Variants in EDC3 observed in about 807,000 individuals in gnomAD.
The protein encoded by EDC3 is enhancer of mRNA decapping 3, also known as enhancer of mRNA-decapping protein 3.
EDC3 carries 20 observed loss-of-function variants against 41.8 expected under a neutral mutation model. That is an observed-to-expected ratio of 0.48 (90% CI 0.34 to 0.70). The LOEUF is 0.70. EDC3 is among the 30% of genes least tolerant of loss of function. The probability of loss-of-function intolerance (pLI) is 0.01; values close to 1 mark genes in which losing one functional copy is unlikely to be tolerated. For missense variants in EDC3, 444 were observed against 636.8 expected, an observed-to-expected ratio of 0.70 and a Z score of 3.26; for synonymous variants, 206 against 243.2, an observed-to-expected ratio of 0.85 and a Z score of 1.42.
intron 1 of EDC3, among the ~76,000 whole-genome samples, chr15:74,693,461 T>C (rs1596339173): frequency 6.6e-6 from 1 of 152,084 alleles, no homozygotes; most frequent in Non-Finnish European, 1.5e-5. Context: ...AAATGACTCT[T>C]TCTTTACTTC....
intron 1 of EDC3, among the ~76,000 whole-genome samples, chr15:74,678,258 G>T (rs1324288737): frequency 6.6e-6 from 1 of 152,162 alleles, no homozygotes; most frequent in African/African-American, 2.4e-5. Flanking sequence ...AAGTGTCAGT[G>T]TAGGTTCATC....
At chr15:74,634,009 T>C (rs992119542) in intron 6 of EDC3, among the ~76,000 whole-genome samples, 1 of 152,190 alleles carries the variant, frequency 6.6e-6, no homozygotes, top group Admixed American at 6.5e-5. Flanking sequence ...GGCTTTGCCC[T>C]TGACTCACTA....
intron 3 of EDC3, among the ~76,000 whole-genome samples, chr15:74,660,769 G>T (rs375418980): frequency 6.6e-6 from 1 of 151,934 alleles, no homozygotes; most frequent in African/African-American, 2.4e-5. Context: ...AAGAAGATAC[G>T]GAATATTCTA....
intron 1 of EDC3, among the ~76,000 whole-genome samples, chr15:74,682,785 G>T (rs1282656707): frequency 6.6e-6 from 1 of 152,184 alleles, no homozygotes; most frequent in Non-Finnish European, 1.5e-5. Flanking sequence ...CACTTTGGGA[G>T]GCTGAGGCAG....
Position 74,635,635 on chromosome 15 carries a change from G to A in EDC3, c.975-9C>T, listed in dbSNP as rs1404337923. 13 of 1,610,908 alleles carry A rather than the reference G, an allele frequency of 8.1e-6. No homozygotes were observed. Among genetic ancestry groups the A allele is most frequent in the Non-Finnish European group, 9.3e-6 (11 of 1,177,516 alleles). On this transcript the variant is annotated splice_polypyrimidine_tract_variant and intron_variant, in intron 5 of 6. Transcript: ENST00000315127. Reference sequence around the variant, plus strand: ...CATTTTTGGGATTCAACCTGGAAAAGAAGGTGAAGAAGCAGTATCAGCTAC... The same window carrying A: ...CATTTTTGGGATTCAACCTGGAAAAAAAGGTGAAGAAGCAGTATCAGCTAC...
intron 3 of EDC3, among the ~76,000 whole-genome samples, chr15:74,664,726 A>G (rs1171333891): frequency 3.3e-5 from 5 of 152,250 alleles, no homozygotes; most frequent in Non-Finnish European, 5.9e-5. Flanking sequence ...AGATATATGA[A>G]GCACATCCAA....
At chr15:74,670,980 T>C (rs191276741) in intron 3 of EDC3, among the ~76,000 whole-genome samples, 26 of 152,176 alleles carry the variant, frequency 1.7e-4, no homozygotes, top group Non-Finnish European at 2.8e-4. Flanking sequence ...ACAGCCCAAG[T>C]GCAGGTTCAA....
At chr15:74,656,442 A>ACACACAC (rs1567165095) in intron 3 of EDC3, among the ~76,000 whole-genome samples, 3 of 96,388 alleles carry the variant, frequency 3.1e-5, no homozygotes, top group African/African-American at 1.1e-4. Flanking sequence ...CACACACACA[A>ACACACAC]ACAACAACAA....
intron 5 of EDC3, chr15:74,636,005 C>G (rs1008395160): frequency 4.5e-6 from 1 of 222,232 alleles, no homozygotes. Context: ...TCCTCTCCTG[C>G]ACTTGTAAGG....
At chr15:74,653,125 C>T (rs1442837584) in intron 4 of EDC3, among the ~76,000 whole-genome samples, 1 of 150,322 alleles carries the variant, frequency 6.7e-6, no homozygotes, top group African/African-American at 2.5e-5. Context: ...GGTTGCGGTG[C>T]GCTGAGAGCT....
At chr15:74,691,420 G>A (rs1238479153) in intron 1 of EDC3, among the ~76,000 whole-genome samples, 1 of 152,194 alleles carries the variant, frequency 6.6e-6, no homozygotes, top group Non-Finnish European at 1.5e-5. Context: ...TAGTTCAAAT[G>A]TCTCCTTTTG....
At chr15:74,640,997 G>A (rs2062345004) in intron 4 of EDC3, 1 of 247,818 alleles carries the variant, frequency 4.0e-6, no homozygotes, top group Admixed American at 5.5e-5. Flanking sequence ...TGGGGGAAAT[G>A]CCATCTTGGG....
chr15:74,689,685 C>T (rs1383477922), intron 1 of EDC3, among the ~76,000 whole-genome samples: 1 of 152,158 alleles, frequency 6.6e-6, no homozygotes, highest in Non-Finnish European at 1.5e-5. Context: ...CCACCGCGCC[C>T]GGCTAATTTT....
intron 3 of EDC3, among the ~76,000 whole-genome samples, chr15:74,670,466 G>A (rs529273799): frequency 6.6e-5 from 10 of 152,118 alleles, no homozygotes; most frequent in African/African-American, 2.2e-4. Flanking sequence ...ACAGAGTCTC[G>A]CTCTATCGCC....
intron 3 of EDC3, among the ~76,000 whole-genome samples, chr15:74,665,092 C>T (rs905964268): frequency 3.3e-5 from 5 of 152,210 alleles, no homozygotes; most frequent in African/African-American, 1.2e-4. Context: ...GGCACGATCT[C>T]GGCTCACTGC....
chr15:74,677,940 A>C (rs772472674), intron 1 of EDC3, among the ~76,000 whole-genome samples: 4 of 152,242 alleles, frequency 2.6e-5, no homozygotes, highest in Non-Finnish European at 5.9e-5. Context: ...TCAAGCCATG[A>C]AAAGACATGG....
At chr15:74,674,912 C>G in intron 2 of EDC3, 49 bp downstream of exon 2, 2 of 1,607,300 alleles carry the variant, frequency 1.2e-6, no homozygotes, top group Non-Finnish European at 1.7e-6. Flanking sequence ...TAGGTTCAAG[C>G]TCCACAGACC....
intron 3 of EDC3, among the ~76,000 whole-genome samples, chr15:74,662,432 TATA>T (rs1326668118): frequency 1.5e-3 from 213 of 146,346 alleles, no homozygotes; most frequent in Middle Eastern, 7.2e-3. Context: ...TATATATATA[TATA>T]TTTTTTTTTT....
chr15:74,658,771 T>G (rs2062584323), intron 3 of EDC3, among the ~76,000 whole-genome samples: 1 of 151,270 alleles, frequency 6.6e-6, no homozygotes, highest in Admixed American at 6.6e-5. Context: ...AAACCTTGTC[T>G]CTACTAAAAA....
Sources: gnomAD v4.1 joint callset for allele counts (sites outside exome capture counted in the v4.1 genomes callset) on GRCh38, gnomAD v4.1.1 for gene constraint, MANE v1.5 for transcripts, NCBI Gene and HGNC (gene_info 2026-07-23, HGNC 2026-07-21) for gene names.